Variants in LIMCH1 observed in about 807,000 individuals in gnomAD.
LIMCH1 encodes the protein LIM and calponin homology domains-containing protein 1.
In LIMCH1, 113 loss-of-function variants were observed where a neutral mutation model predicts 176.5. The ratio of observed to expected loss-of-function variants is 0.64; its 90% confidence interval spans 0.55 to 0.75. The LOEUF (loss-of-function observed/expected upper bound fraction) is 0.75. Ranked by LOEUF, LIMCH1 falls within the 30% of genes least tolerant of loss-of-function variation. The pLI, the probability that LIMCH1 is intolerant of heterozygous loss-of-function variation, is 0.00. For synonymous variants in LIMCH1, 619 were observed against 645.9 expected (o/e 0.96, Z 0.63); for missense variants, 1,674 against 1,814.9 (o/e 0.92, Z 1.41).
chr4:41,466,493 A>G (rs1287786918), intron 1 of LIMCH1, among the ~76,000 whole-genome samples: 1 of 152,238 alleles, frequency 6.6e-6, no homozygotes, highest in Non-Finnish European at 1.5e-5. Context: ...TAATTGATGA[A>G]TTCTACTTCC....
chr4:41,468,238 T>TCTCC (rs1444076363), intron 1 of LIMCH1, among the ~76,000 whole-genome samples: 1 of 57,734 alleles, frequency 1.7e-5, no homozygotes, highest in Non-Finnish European at 3.2e-5. Flanking sequence ...CCCTCCCCTC[T>TCTCC]CTCCCTCCCT....
chr4:41,494,392 TACGTACATAC>T, intron 1 of LIMCH1: 1 of 547,106 alleles, frequency 1.8e-6, no homozygotes, highest in Non-Finnish European at 3.2e-6. Flanking sequence ...TACATACATA[TACGTACATAC>T]ACATAAACAT....
chr4:41,600,575 G>T (rs754858715), intron 2 of LIMCH1, among the ~76,000 whole-genome samples: 2 of 152,116 alleles, frequency 1.3e-5, no homozygotes, highest in South Asian at 4.2e-4. Flanking sequence ...TTCAAATCTC[G>T]TATCACCTTT....
chr4:41,507,427 C>T (rs2074318982), intron 2 of LIMCH1, among the ~76,000 whole-genome samples: 1 of 152,096 alleles, frequency 6.6e-6, no homozygotes, highest in South Asian at 2.1e-4. Flanking sequence ...TAGGAGCCTA[C>T]CAAGAGTCAC....
chr4:41,529,074 G>A (rs548847257), intron 3 of LIMCH1, among the ~76,000 whole-genome samples: 13 of 151,644 alleles, frequency 8.6e-5, no homozygotes, highest in Non-Finnish European at 1.9e-4. Flanking sequence ...CTGCCAGAGA[G>A]AAAGTCCTCA....
intron 7 of LIMCH1, among the ~76,000 whole-genome samples, chr4:41,621,553 G>GT (rs764275332): frequency 7.3e-5 from 11 of 151,078 alleles, no homozygotes; most frequent in Non-Finnish European, 1.5e-4. Context: ...CCAAGCTGGG[G>GT]TGCAGTGGTG....
intron 1 of LIMCH1, among the ~76,000 whole-genome samples, chr4:41,588,408 C>G (rs1473040778): frequency 6.6e-6 from 1 of 151,884 alleles, no homozygotes; most frequent in Non-Finnish European, 1.5e-5. Flanking sequence ...GGGGGCTGAC[C>G]AAGGATGCCT....
At chr4:41,659,032 C>T (rs2094539553) in intron 18 of LIMCH1, among the ~76,000 whole-genome samples, 1 of 152,164 alleles carries the variant, frequency 6.6e-6, no homozygotes, top group African/African-American at 2.4e-5. Flanking sequence ...ATGTGCAAGA[C>T]AGCACTTTGA....
chr4:41,608,939 C>T (rs552567261), intron 4 of LIMCH1, among the ~76,000 whole-genome samples: 1 of 152,272 alleles, frequency 6.6e-6, no homozygotes, highest in South Asian at 2.1e-4. Flanking sequence ...TGGCCAGTAT[C>T]ATCCCCAGGA....
chr4:41,528,497 A>G (rs1444890237), intron 3 of LIMCH1, among the ~76,000 whole-genome samples: 3 of 152,330 alleles, frequency 2.0e-5, no homozygotes, highest in Non-Finnish European at 2.9e-5. Context: ...TTTTTCAAAC[A>G]ATATTTTCTT....
intron 5 of LIMCH1, among the ~76,000 whole-genome samples, chr4:41,617,709 G>T (rs2092240936): frequency 6.6e-6 from 1 of 152,086 alleles, no homozygotes; most frequent in African/African-American, 2.4e-5. Flanking sequence ...TGCCTTTAAC[G>T]TTTACAGTCT....
intron 1 of LIMCH1, among the ~76,000 whole-genome samples, chr4:41,493,393 G>T (rs903674108): frequency 1.3e-5 from 2 of 151,200 alleles, no homozygotes; most frequent in Non-Finnish European, 2.9e-5. Context: ...GTCAAGTCAG[G>T]CTTCCGTATC....
chr4:41,679,429 AGTACT>A (rs1248364090), intron 23 of LIMCH1, among the ~76,000 whole-genome samples: 1 of 152,222 alleles, frequency 6.6e-6, no homozygotes, highest in Non-Finnish European at 1.5e-5. Context: ...GTTCTGAAGA[AGTACT>A]CTAATGGACT....
intron 1 of LIMCH1, among the ~76,000 whole-genome samples, chr4:41,438,659 A>C (rs1215376677): frequency 2.0e-5 from 3 of 151,172 alleles, no homozygotes; most frequent in Non-Finnish European, 4.4e-5. Context: ...TTTTTATTAC[A>C]GAGCTTTTCA....
chr4:41,563,785 T>A (rs1042452316), intron 1 of LIMCH1, among the ~76,000 whole-genome samples: 1 of 152,176 alleles, frequency 6.6e-6, no homozygotes, highest in Non-Finnish European at 1.5e-5. Context: ...ATTATCAGAT[T>A]TTATCACTAA....
At chr4:41,504,887 T>A (rs1228665083) in intron 2 of LIMCH1, among the ~76,000 whole-genome samples, 1 of 152,198 alleles carries the variant, frequency 6.6e-6, no homozygotes, top group Non-Finnish European at 1.5e-5. Context: ...CAAAAAATAG[T>A]CAGATAATGT....
intron 10 of LIMCH1, among the ~76,000 whole-genome samples, chr4:41,632,190 T>C (rs1163462269): frequency 6.6e-6 from 1 of 152,182 alleles, no homozygotes; most frequent in African/African-American, 2.4e-5. Context: ...ATATAGGACA[T>C]GTGTAAAACC....
At chr4:41,638,168 C>A (rs2093676049) in intron 13 of LIMCH1, among the ~76,000 whole-genome samples, 1 of 151,602 alleles carries the variant, frequency 6.6e-6, no homozygotes, top group African/African-American at 2.4e-5. Context: ...TTGTAATGTT[C>A]TAATATTTTT....
At chr4:41,634,207 C>T (rs1056575107) in intron 13 of LIMCH1, among the ~76,000 whole-genome samples, 3 of 152,218 alleles carry the variant, frequency 2.0e-5, no homozygotes, top group African/African-American at 7.2e-5. Flanking sequence ...TTAGCAAACA[C>T]TCGTTGCCTT....
Sources: allele counts gnomAD v4.1 joint callset (sites outside exome capture counted in the v4.1 genomes callset), GRCh38; gene constraint gnomAD v4.1.1; transcripts MANE v1.5; gene names NCBI Gene and HGNC (gene_info 2026-07-23, HGNC 2026-07-21).